KALRN: variants seen among roughly 807,000 people sequenced by gnomAD.
The protein encoded by KALRN is kalirin.
KALRN carries 70 observed loss-of-function variants against 353.7 expected under a neutral mutation model. The observed-to-expected ratio is 0.20, with a 90% confidence interval of 0.16 to 0.24. The LOEUF (loss-of-function observed/expected upper bound fraction) is 0.24, where lower values mean the gene tolerates loss of function less well. Among genes scored for constraint, KALRN ranks in the 10% least tolerant of loss-of-function variants. The pLI, the probability that KALRN is intolerant of heterozygous loss-of-function variation, is 1.00. For synonymous variants in KALRN, 1,391 were observed against 1,434.8 expected (o/e 0.97, Z 0.69); for missense variants, 2,791 against 3,756.7 (o/e 0.74, Z 6.72).
At position 124,329,975 on chromosome 3, in the gene KALRN, A is replaced by G; in HGVS notation, c.1399A>G (p.Thr467Ala). The part of the protein sequence containing the change: ...HHHQTLYEQV[T>A]QAYTEVSQDG... ...CCACCAGACCTTGTATGAGCAGGTG[A>G]CCCAAGCCTACACAGAGGTGAGAAT... The change falls in exon 8 of 60, where the codon ACC becomes GCC. Residue 467 changes from threonine to alanine, a missense_variant. Physicochemically the swap from Thr to Ala is moderately conservative, Grantham distance 58. Coordinates refer to ENST00000682506, the MANE Select transcript of KALRN (RefSeq NM_001388419.1). 1 of 1,613,728 alleles carries G rather than the reference A, an allele frequency of 6.2e-7. No homozygotes were observed. The highest frequency in any genetic ancestry group is 8.5e-7 in the Non-Finnish European group (1 of 1,179,866).
chr3:124,626,388 G>A (rs983453082), intron 34 of KALRN, among the ~76,000 whole-genome samples: 2 of 152,100 alleles, frequency 1.3e-5, no homozygotes, highest in Non-Finnish European at 2.9e-5. Flanking sequence ...AAAACTTGGA[G>A]TAAATATGGA....
At chr3:124,622,046 C>A (rs2079330786) in intron 34 of KALRN, among the ~76,000 whole-genome samples, 1 of 152,118 alleles carries the variant, frequency 6.6e-6, no homozygotes, top group Non-Finnish European at 1.5e-5. Flanking sequence ...CAAATTATTT[C>A]TGGAAAGCAA....
intron 3 of KALRN, among the ~76,000 whole-genome samples, chr3:124,257,189 A>C (rs2072135741): frequency 6.6e-6 from 1 of 152,230 alleles, no homozygotes; most frequent in African/African-American, 2.4e-5. Flanking sequence ...TGTGTTACCT[A>C]CTATTTATTA....
intron 6 of KALRN, among the ~76,000 whole-genome samples, chr3:124,320,449 T>G (rs2079211975): frequency 6.6e-6 from 1 of 152,206 alleles, no homozygotes; most frequent in African/African-American, 2.4e-5. Flanking sequence ...TTCCTCTGCC[T>G]CTCTCGAGCT....
At chr3:124,311,907 C>T (rs2078304920) in intron 6 of KALRN, among the ~76,000 whole-genome samples, 1 of 152,124 alleles carries the variant, frequency 6.6e-6, no homozygotes, top group Non-Finnish European at 1.5e-5. Flanking sequence ...AACCAAATAC[C>T]ACTTATTATT....
intron 14 of KALRN, among the ~76,000 whole-genome samples, chr3:124,414,354 A>C (rs1363258862): frequency 6.6e-6 from 1 of 152,182 alleles, no homozygotes; most frequent in Non-Finnish European, 1.5e-5. Flanking sequence ...CCCTGCTGCC[A>C]GCACGCATTC....
At chr3:124,651,015 C>T (rs1034499718) in intron 38 of KALRN, 77 bp downstream of exon 38, 90 of 1,549,938 alleles carry the variant, frequency 5.8e-5, no homozygotes, top group Admixed American at 1.6e-4. Flanking sequence ...GGGGAAAATT[C>T]GAGAGGGGTT....
At chr3:124,348,538 A>C (rs1399722263) in intron 10 of KALRN, among the ~76,000 whole-genome samples, 1 of 152,160 alleles carries the variant, frequency 6.6e-6, no homozygotes, top group Non-Finnish European at 1.5e-5. Context: ...GGTGGATTGG[A>C]CCCAACCTGT....
At chr3:124,375,817 C>T (rs1421950036) in intron 10 of KALRN, among the ~76,000 whole-genome samples, 2 of 151,936 alleles carry the variant, frequency 1.3e-5, no homozygotes, top group Non-Finnish European at 2.9e-5. Flanking sequence ...TTTTGAAGGT[C>T]CTTTAAAGCA....
rs191912326 is a variant in KALRN, at chr3:124,348,767, G to A, written c.1770+1502G>A. On this transcript the variant is annotated intron_variant, in intron 10 of 59. Coordinates refer to ENST00000682506, the MANE Select transcript of KALRN (RefSeq NM_001388419.1). The stretch of plus-strand genomic sequence containing the variant: ...CAGTCTCGCTCTGTTGCCCAGGCTG[G>A]AGTGCAGTGATGTGATCGTGACTCA... Among the ~76,000 whole-genome samples the A allele has an allele frequency of 1.2e-4, 18 of 152,276 alleles. No individual in the cohort carries two copies. The East Asian group carries it at 3.5e-3, about 29-fold the overall frequency.
chr3:124,528,013 G>T (rs1156762224), intron 33 of KALRN, among the ~76,000 whole-genome samples: 1 of 152,134 alleles, frequency 6.6e-6, no homozygotes, highest in Admixed American at 6.5e-5. Context: ...AAGCTTAAAG[G>T]GGCATTGCAG....
At chr3:124,564,735 C>G (rs929012383) in intron 34 of KALRN, among the ~76,000 whole-genome samples, 2 of 152,082 alleles carry the variant, frequency 1.3e-5, no homozygotes, top group Non-Finnish European at 2.9e-5. Context: ...TGATCAGAAC[C>G]CCCACTCCTC....
At chr3:124,558,357 A>T (rs2071538042) in intron 33 of KALRN, among the ~76,000 whole-genome samples, 1 of 151,944 alleles carries the variant, frequency 6.6e-6, no homozygotes, top group Non-Finnish European at 1.5e-5. Flanking sequence ...GGCTCACTGC[A>T]ACCTCTGCTT....
chr3:124,404,977 G>C (rs906175999), intron 13 of KALRN, among the ~76,000 whole-genome samples: 1 of 152,192 alleles, frequency 6.6e-6, no homozygotes, highest in Non-Finnish European at 1.5e-5. Flanking sequence ...TATCAAGAAA[G>C]AAGCTAAGAT....
intron 1 of KALRN, among the ~76,000 whole-genome samples, chr3:124,047,885 A>G (rs1422753205): frequency 1.3e-5 from 2 of 152,116 alleles, no homozygotes; most frequent in African/African-American, 4.8e-5. Flanking sequence ...GAAAAATGTG[A>G]TGAAATATAA....
At chr3:124,502,259 C>T (rs1322245799) in intron 33 of KALRN, among the ~76,000 whole-genome samples, 3 of 152,128 alleles carry the variant, frequency 2.0e-5, no homozygotes, top group Non-Finnish European at 4.4e-5. Flanking sequence ...TGTGCTCCTA[C>T]GGGGGGAAAG....
At position 124,718,782 on chromosome 3, in the gene KALRN, G is replaced by A. The variant is rs996858505; in HGVS notation, c.8416-143G>A. The A allele has an allele frequency of 1.0e-4, 73 of 706,976 alleles. No homozygotes were observed. The Admixed American group carries it at 1.4e-3, about 13-fold the overall frequency. 43.8% of individuals were successfully genotyped at this position (706,976 alleles called of 1,614,324 possible). A position where few individuals can be genotyped will look rare whatever the true frequency, so the allele number is the denominator to read the frequency against. On this transcript the variant is annotated intron_variant, in intron 59 of 59. Transcript: ENST00000682506. ...GTTTGAAGTATCCTATGCAGTTTCC[G>A]TAGTGCATAGGGAATTTTCTGTACA...
intron 41 of KALRN, among the ~76,000 whole-genome samples, chr3:124,658,047 G>C (rs926158842): frequency 1.3e-5 from 2 of 151,986 alleles, no homozygotes; most frequent in East Asian, 3.9e-4. Context: ...CTAGCCACTT[G>C]GGGGGGCGGA....
Position 124,722,729 on chromosome 3 carries a change from GAGAGA to G in KALRN, c.*3266_*3270del, listed in dbSNP as rs893313821. 9.2e-5 allele frequency: 14 copies of G among 152,194 alleles called. No homozygotes were observed. Among genetic ancestry groups the G allele is most frequent in the African/African-American group, 3.1e-4 (13 of 41,442 alleles). The allele number at this position is 152,194 out of a possible 1,614,324, so 9.4% of individuals were successfully genotyped here. On this transcript the variant is annotated 3_prime_UTR_variant, in exon 60 of 60. Transcript: ENST00000682506. ...TATTACTTGGTAGTAAAGAAGAGAG[GAGAGA>G]AGAGAAAATGGTCCATTTCTATCAT... is the stretch of plus-strand genomic sequence containing the variant.
Sources: allele counts gnomAD v4.1 joint callset (sites outside exome capture counted in the v4.1 genomes callset), GRCh38; gene constraint gnomAD v4.1.1; transcripts MANE v1.5; gene names NCBI Gene and HGNC (gene_info 2026-07-23, HGNC 2026-07-21).